ZBTB49: variants seen among roughly 807,000 people sequenced by gnomAD.
ZBTB49 encodes zinc finger and BTB domain-containing protein 49.
ZBTB49 carries 43 observed loss-of-function variants against 57.5 expected under a neutral mutation model. The observed-to-expected ratio is 0.75, with a 90% CI of 0.59 to 0.97. ZBTB49 has a LOEUF of 0.97. Among genes scored for constraint, ZBTB49 ranks in the 50% least tolerant of loss-of-function variants. The pLI is 0.00. For missense variants in ZBTB49, 938 were observed against 947.7 expected (o/e 0.99, Z 0.13); for synonymous variants, 369 against 362.1 (o/e 1.02, Z -0.22).
chr4:4,291,855 G>T (rs2108862310), intron 1 of ZBTB49, among the ~76,000 whole-genome samples: 1 of 152,334 alleles, frequency 6.6e-6, no homozygotes, highest in East Asian at 1.9e-4. Context: ...ACAGGGCTGG[G>T]TGCGGTGGCT....
chr4:4,315,315 C>T (rs1721140194), intron 5 of ZBTB49, among the ~76,000 whole-genome samples: 1 of 152,122 alleles, frequency 6.6e-6, no homozygotes, highest in South Asian at 2.1e-4. Flanking sequence ...ACTCCTTTTT[C>T]ACTCTCTTTG....
At chr4:4,315,498 C>G (rs1209053424) in intron 5 of ZBTB49, 138 bp from the exon 6 acceptor site, 2 of 770,428 alleles carry the variant, frequency 2.6e-6, no homozygotes, top group African/African-American at 3.5e-5. Context: ...ATGCACGTTT[C>G]AGATGAAACC....
rs779875859 is a variant in ZBTB49, at chr4:4,300,027, A to G, written c.82A>G (p.Met28Val). ...AATCCAAGGCCTGCTTTGTGACTGT[A>G]TGTTGGTGGTAAAAGGAGTCTGCTT... ...QRIQGLLCDCMLVVKGVCFKA... is the reference protein window; with the variant it reads ...QRIQGLLCDCVLVVKGVCFKA... The change falls in exon 2 of 8, where the codon ATG becomes GTG. Residue 28 changes from methionine (M) to valine (V), a missense_variant. Met to Val is a conservative substitution (Grantham distance 21). Around this residue, in one of 3 missense-constraint regions of ZBTB49, gnomAD observed 100 missense variants for 112.5 expected, o/e 0.89. Coordinates refer to ENST00000337872, the MANE Select transcript of ZBTB49 (RefSeq NM_145291.4). The G allele has an allele frequency of 1.9e-6, 3 of 1,614,168 alleles. No homozygotes were observed. Among genetic ancestry groups the G allele is most frequent in the South Asian group, 1.1e-5 (1 of 91,084 alleles).
In ZBTB49 at chr4:4,320,624, G is replaced by A. The variant is rs1385823983; in HGVS notation, c.1622-16G>A. 1.2e-6 allele frequency: 2 copies of A among 1,613,348 alleles called. No individual in the cohort carries two copies. ...ACCCTGTTTAAGTAAATAAATAACT[G>A]TTTTTCTTTTTCCAGGGAAATGTTT... On this transcript the variant is annotated splice_polypyrimidine_tract_variant and intron_variant, in intron 7 of 7. Coordinates refer to ENST00000337872, the MANE Select transcript of ZBTB49 (RefSeq NM_145291.4).
intron 4 of ZBTB49, among the ~76,000 whole-genome samples, chr4:4,310,691 T>G (rs1403409019): frequency 3.3e-5 from 5 of 151,040 alleles, no homozygotes. Flanking sequence ...TTTTTTTTTT[T>G]TGTATTTTTA....
At chr4:4,305,927 T>C (rs1720714821) in intron 3 of ZBTB49, among the ~76,000 whole-genome samples, 1 of 152,254 alleles carries the variant, frequency 6.6e-6, no homozygotes, top group Admixed American at 6.5e-5. Context: ...GAGAACAGTT[T>C]AAGTTTTTAG....
At chr4:4,310,437 C>T (rs1057476133) in intron 4 of ZBTB49, among the ~76,000 whole-genome samples, 5 of 152,036 alleles carry the variant, frequency 3.3e-5, no homozygotes, top group Non-Finnish European at 5.9e-5. Context: ...AAATACTCTT[C>T]GCAACGGTTT....
Position 4,301,903 on chromosome 4 carries a change from TTTAATA to T in ZBTB49, c.153-78_153-73del, listed in dbSNP as rs1388550417. On this transcript the variant is annotated intron_variant, in intron 2 of 7. Transcript: ENST00000337872. ...TGACATTCACAGAAGGATAGTATTT[TTTAATA>T]TTAATATATGAATGTTATTTATAAG... 9 of 1,269,236 alleles carry T rather than the reference TTTAATA, an allele frequency of 7.1e-6. No homozygotes were observed. The Admixed American group carries it at 9.4e-5, about 13-fold the overall frequency. The allele number at this position is 1,269,236 out of a possible 1,614,324, so 78.6% of individuals were successfully genotyped here. A position where few individuals can be genotyped will look rare whatever the true frequency, so the allele number is the denominator to read the frequency against.
chr4:4,320,843 G>A lies in ZBTB49; in HGVS notation c.1825G>A (p.Glu609Lys), dbSNP rs75060923. The A allele has an allele frequency of 0.025, 39,851 of 1,614,098 alleles. 4,177 individuals are homozygous for A. In the East Asian group the frequency reaches 0.34, roughly 14 times the overall value. The change falls in exon 8 of 8, where the codon GAG (glutamate) becomes AAG (lysine). Residue 609 changes from glutamate to lysine, a missense_variant. Transcript: ENST00000337872. The stretch of plus-strand genomic sequence containing the variant: ...CCAAGCCATCGAGACCTCCGACCTC[G>A]AGAAATCTCAGAGCTCAGACTCTTT... ...LSQAIETSDL[E>K]KSQSSDSFSQ...
At chr4:4,294,574 C>T (rs571465361) in intron 1 of ZBTB49, among the ~76,000 whole-genome samples, 115 of 152,198 alleles carry the variant, frequency 7.6e-4, no homozygotes, top group Non-Finnish European at 1.4e-3. Flanking sequence ...AGACTGGTCT[C>T]GAACTCGTAG....
chr4:4,309,223 C>G (rs2920209), intron 4 of ZBTB49, among the ~76,000 whole-genome samples: 145 of 152,238 alleles, frequency 9.5e-4, no homozygotes, highest in African/African-American at 3.2e-3. Flanking sequence ...GATGGCATGC[C>G]AGCATAAGGA....
chr4:4,316,065 C>A, intron 7 of ZBTB49, 95 bp downstream of exon 7: 1 of 1,465,916 alleles, frequency 6.8e-7, no homozygotes, highest in Non-Finnish European at 9.2e-7. Context: ...CTGGGATGAG[C>A]CCTTTGTTTC....
At position 4,303,760 on chromosome 4, in the gene ZBTB49, C is replaced by CTCTCTCTCTCTCTCTCTGTGTGTGTGTG. The variant is rs1223289249; in HGVS notation, c.1255+670_1255+671insCTCTCTCTCTCTCTCTGTGTGTGTGTGT. ...TCTCTCTCTCTCTCTCTCTCTCTCTCTGTGTGTGTGTCTCTCTCTCTCTCT... is the reference window on the plus strand; with the variant it reads ...TCTCTCTCTCTCTCTCTCTCTCTCTCTCTCTCTCTCTCTCTCTGTGTGTGTGTGTGTGTGTGTGTCTCTCTCTCTCTCT... On this transcript the variant is annotated intron_variant, in intron 3 of 7. Coordinates refer to ENST00000337872, the MANE Select transcript of ZBTB49 (RefSeq NM_145291.4). Among the ~76,000 whole-genome samples the CTCTCTCTCTCTCTCTCTGTGTGTGTGTG allele has an allele frequency of 3.9e-3, 469 of 121,262 alleles. 6 individuals carry two copies. Among genetic ancestry groups the CTCTCTCTCTCTCTCTCTGTGTGTGTGTG allele is most frequent in the African/African-American group, 0.015 (446 of 29,986 alleles). 79.6% of individuals were successfully genotyped at this position (121,262 alleles called of 152,430 possible).
At chr4:4,318,098 G>A (rs1346370722) in intron 7 of ZBTB49, among the ~76,000 whole-genome samples, 2 of 152,182 alleles carry the variant, frequency 1.3e-5, no homozygotes, top group African/African-American at 4.8e-5. Flanking sequence ...TACTGTGCAG[G>A]AGGTGGGCGT....
intron 1 of ZBTB49, 139 bp from the exon 2 acceptor site, chr4:4,299,788 T>TGTGTGTGA: frequency 1.5e-6 from 1 of 679,202 alleles, no homozygotes; most frequent in Non-Finnish European, 2.4e-6. Flanking sequence ...TGTGTGTGTG[T>TGTGTGTGA]GTGTGTGTGT....
chr4:4,290,495 C>T (rs2108859329), intron 1 of ZBTB49, 143 bp downstream of exon 1: 1 of 152,616 alleles, frequency 6.6e-6, no homozygotes, highest in South Asian at 2.1e-4. Context: ...TCGAGGATAC[C>T]CGGGGGGTTG....
Position 4,308,493 on chromosome 4 carries a change from C to T in ZBTB49, c.1302+2309C>T, listed in dbSNP as rs534817452. On this transcript the variant is annotated intron_variant, in intron 4 of 7. Coordinates refer to ENST00000337872, the MANE Select transcript of ZBTB49 (RefSeq NM_145291.4). ...AAATCTTACCAAGGGTAGCCCTGCC[C>T]GATCCAGAAACCCTTCCCTTCTGTA... Among the ~76,000 whole-genome samples, 9 of 152,286 alleles carry T rather than the reference C, an allele frequency of 5.9e-5. No individual in the cohort carries two copies. In the South Asian group the frequency reaches 1.2e-3, roughly 21 times the overall value.
chr4:4,291,173 A>G (rs763065481), intron 1 of ZBTB49, among the ~76,000 whole-genome samples: 2 of 152,222 alleles, frequency 1.3e-5, no homozygotes, highest in African/African-American at 2.4e-5. Context: ...TGCAAACAAA[A>G]TACTGGGTGG....
At chr4:4,318,295 T>G (rs1721270976) in intron 7 of ZBTB49, among the ~76,000 whole-genome samples, 1 of 152,178 alleles carries the variant, frequency 6.6e-6, no homozygotes, top group African/African-American at 2.4e-5. Flanking sequence ...TATTGAGAAT[T>G]TATCTTGAAG....
Sources: allele counts gnomAD v4.1 joint callset (sites outside exome capture counted in the v4.1 genomes callset), GRCh38; gene constraint gnomAD v4.1.1; regional missense constraint gnomAD v4.1.1; transcripts MANE v1.5; gene names NCBI Gene and HGNC (gene_info 2026-07-23, HGNC 2026-07-21).